NUDT6: variants seen among roughly 807,000 people sequenced by gnomAD.
NUDT6 encodes the protein nudix hydrolase 6.
A neutral mutation model predicts 36.8 loss-of-function variants in NUDT6; 24 were observed. The ratio of observed to expected loss-of-function variants is 0.65; its 90% CI spans 0.47 to 0.92. NUDT6 has a LOEUF of 0.92. Ranked by LOEUF, NUDT6 falls within the 40% of genes least tolerant of loss-of-function variation. The pLI, the probability that NUDT6 is intolerant of heterozygous loss-of-function variation, is 0.00. For synonymous variants in NUDT6, 163 were observed against 157.0 expected (o/e 1.04, Z -0.29); for missense variants, 388 against 392.8 (o/e 0.99, Z 0.10).
intron 1 of NUDT6, chr4:122,920,521 G>C (rs1241937519): frequency 1.3e-5 from 2 of 152,208 alleles, no homozygotes; most frequent in Non-Finnish European, 1.5e-5. Flanking sequence ...CCAGTAATTA[G>C]AGCTGGCGTT....
At chr4:122,922,665 T>A, upstream of NUDT6, 2 of 1,082,764 alleles carry the variant, frequency 1.8e-6, no homozygotes, top group Non-Finnish European at 2.7e-6. Context: ...GTGCCATCAA[T>A]ACCCTCAGAG....
At chr4:122,919,333 C>T (rs1727919069) in intron 1 of NUDT6, 2 of 152,410 alleles carry the variant, frequency 1.3e-5, no homozygotes, top group African/African-American at 4.8e-5. Flanking sequence ...TCTCCTGTCT[C>T]AGCCTCCCAA....
At chr4:122,900,057 A>ACACCCCCCCCCCCCCCCCCCCCCCCCCC (rs376050692) in intron 3 of NUDT6, among the ~76,000 whole-genome samples, 1 of 88,682 alleles carries the variant, frequency 1.1e-5, no homozygotes, top group Admixed American at 1.2e-4. Context: ...CACCCCCGCC[A>ACACCCCCCCCCCCCCCCCCCCCCCCCCC]CCCCCCCCCC....
At chr4:122,907,959 G>A (rs1040108389) in intron 3 of NUDT6, among the ~76,000 whole-genome samples, 3 of 152,140 alleles carry the variant, frequency 2.0e-5, no homozygotes, top group African/African-American at 7.2e-5. Context: ...CATTTTGGAA[G>A]CAGCATATAT....
chr4:122,912,870 C>A (rs1054134983), intron 2 of NUDT6, among the ~76,000 whole-genome samples: 1 of 152,162 alleles, frequency 6.6e-6, no homozygotes, highest in African/African-American at 2.4e-5. Context: ...ACATGAAATT[C>A]ATTTATGTTT....
At chr4:122,918,364 A>G (rs1324538847) in intron 1 of NUDT6, 3 of 152,222 alleles carry the variant, frequency 2.0e-5, no homozygotes, top group Non-Finnish European at 4.4e-5. Context: ...GAGCCAGGGG[A>G]AAAAGATGCT....
At chr4:122,911,373 G>A (rs1424734401) in intron 3 of NUDT6, among the ~76,000 whole-genome samples, 2 of 152,054 alleles carry the variant, frequency 1.3e-5, no homozygotes, top group African/African-American at 4.8e-5. Context: ...CATCTGCCTG[G>A]TTCTCATGAC....
At chr4:122,896,752 A>G (rs1231119981) in intron 4 of NUDT6, 2 of 152,196 alleles carry the variant, frequency 1.3e-5, no homozygotes. Context: ...TTAAAAATCA[A>G]GCTTTAAGTA....
At chr4:122,910,955 A>G (rs1241322307) in intron 3 of NUDT6, among the ~76,000 whole-genome samples, 1 of 152,244 alleles carries the variant, frequency 6.6e-6, no homozygotes, top group African/African-American at 2.4e-5. Flanking sequence ...TTAAAGGGAT[A>G]TACTTAGAAG....
chr4:122,909,913 C>G (rs1248603301), intron 3 of NUDT6, among the ~76,000 whole-genome samples: 1 of 152,164 alleles, frequency 6.6e-6, no homozygotes, highest in Non-Finnish European at 1.5e-5. Flanking sequence ...TTGAGTTTTC[C>G]CCTACAATGG....
intron 3 of NUDT6, among the ~76,000 whole-genome samples, chr4:122,900,800 C>T (rs964047012): frequency 1.3e-5 from 2 of 152,028 alleles, no homozygotes; most frequent in African/African-American, 4.8e-5. Context: ...ATGTGGACTA[C>T]AGTTTAGTGC....
At chr4:122,920,770 C>G (rs1336838257) in intron 1 of NUDT6, 1 of 152,180 alleles carries the variant, frequency 6.6e-6, no homozygotes, top group African/African-American at 2.4e-5. Flanking sequence ...GATTGATTCT[C>G]CTATTAGTGA....
intron 2 of NUDT6, among the ~76,000 whole-genome samples, chr4:122,913,741 A>C (rs1021198306): frequency 7.3e-6 from 1 of 137,432 alleles, no homozygotes; most frequent in African/African-American, 3.0e-5. Flanking sequence ...TTTTTTGTTT[A>C]TTCATTCATC....
At chr4:122,915,469 C>CAAAAAAAAAAAAAAAAAA (rs61032259) in intron 2 of NUDT6, among the ~76,000 whole-genome samples, 3 of 42,250 alleles carry the variant, frequency 7.1e-5, no homozygotes, top group African/African-American at 2.0e-4. Flanking sequence ...GACCCTGCCT[C>CAAAAAAAAAAAAAAAAAA]AAAAAAAAAA....
chr4:122,893,931 CACAG>C (rs1390925109), intron 4 of NUDT6: 2 of 152,318 alleles, frequency 1.3e-5, no homozygotes, highest in East Asian at 1.9e-4. Flanking sequence ...TCACAATTGT[CACAG>C]ACAAAGATTT....
At chr4:122,912,330 T>C (rs1007410086) in intron 3 of NUDT6, among the ~76,000 whole-genome samples, 2 of 152,232 alleles carry the variant, frequency 1.3e-5, no homozygotes, top group Admixed American at 6.5e-5. Flanking sequence ...CAGTCATTTA[T>C]AATTTTCCTT....
chr4:122,917,271 TG>T (rs1727863779), intron 2 of NUDT6, among the ~76,000 whole-genome samples: 1 of 152,178 alleles, frequency 6.6e-6, no homozygotes, highest in Non-Finnish European at 1.5e-5. Context: ...CATAAATATG[TG>T]TGATAGGAAA....
At chr4:122,920,096 T>C (rs981518386) in intron 1 of NUDT6, 3 of 152,272 alleles carry the variant, frequency 2.0e-5, no homozygotes, top group African/African-American at 7.2e-5. Flanking sequence ...TCTAAAAGAA[T>C]ATGAATAGTT....
intron 2 of NUDT6, among the ~76,000 whole-genome samples, chr4:122,917,052 C>G (rs1727860051): frequency 6.6e-6 from 1 of 152,088 alleles, no homozygotes; most frequent in African/African-American, 2.4e-5. Flanking sequence ...GAGTTTTTTT[C>G]TGGAATTTTC....
Sources: allele counts gnomAD v4.1 joint callset (sites outside exome capture counted in the v4.1 genomes callset), GRCh38; gene constraint gnomAD v4.1.1; transcripts MANE v1.5; gene names NCBI Gene and HGNC (gene_info 2026-07-23, HGNC 2026-07-21).